MTNR1A: variants seen among roughly 807,000 people sequenced by gnomAD.
The protein encoded by MTNR1A is melatonin receptor 1A.
A neutral mutation model predicts 5.5 loss-of-function variants in MTNR1A; 7 were observed. That is an observed-to-expected ratio of 1.28 (90% CI 0.73 to 2.40). The LOEUF is 2.40. Among genes scored for constraint, MTNR1A ranks in the 30% most tolerant of loss-of-function variants. The probability of loss-of-function intolerance (pLI) is 0.00; values close to 1 mark genes in which losing one functional copy is unlikely to be tolerated. For missense variants in MTNR1A, 441 were observed against 464.4 expected (o/e 0.95, Z 0.46); for synonymous variants, 196 against 202.7 (o/e 0.97, Z 0.28).
chr4:186,544,404 T>A (rs13140012), intron 1 of MTNR1A, among the ~76,000 whole-genome samples: 62,805 of 152,048 alleles, frequency 0.41, 13,207 homozygotes, highest in East Asian at 0.62. Context: ...ATCTACAGGA[T>A]CTTCCTATCC....
intron 1 of MTNR1A, among the ~76,000 whole-genome samples, chr4:186,549,544 T>TA (rs1335813623): frequency 6.6e-6 from 1 of 152,198 alleles, no homozygotes; most frequent in Non-Finnish European, 1.5e-5. Flanking sequence ...ATAACAACTT[T>TA]AAAAAATTCT....
At chr4:186,544,509 T>C (rs1737096727) in intron 1 of MTNR1A, among the ~76,000 whole-genome samples, 1 of 152,238 alleles carries the variant, frequency 6.6e-6, no homozygotes, top group South Asian at 2.1e-4. Flanking sequence ...AATGAATACT[T>C]CTGCATCACT....
At chr4:186,539,495 C>T (rs560968117) in intron 1 of MTNR1A, among the ~76,000 whole-genome samples, 16 of 152,124 alleles carry the variant, frequency 1.1e-4, no homozygotes, top group African/African-American at 3.4e-4. Flanking sequence ...GACACTTAAT[C>T]GCCAATGTGA....
Position 186,534,402 on chromosome 4 carries a change from A to T in MTNR1A, c.340T>A (p.Ser114Thr). 6.2e-7 allele frequency: 1 copy of T among 1,614,066 alleles called. No individual in the cohort carries two copies. Among genetic ancestry groups the T allele is most frequent in the Non-Finnish European group, 8.5e-7 (1 of 1,180,006 alleles). The change falls in exon 2 of 2, where the codon TCC (serine) becomes ACC (threonine). Residue 114 changes from serine to threonine, a missense_variant. By Grantham distance (58) the Ser-to-Thr change is moderately conservative (BLOSUM62 1). Transcript: ENST00000307161. ...GCGATGCCGGTGATGTTGAATATGG[A>T]GCCGATGACGCTCAGGCCCATCAGG... ...GFLMGLSVIG[S>T]IFNITGIAIN...
Position 186,555,390 on chromosome 4 carries a change from G to C in MTNR1A, c.-25C>G. ...TGGTCCCTGTGCGCGTCCCGGCCGCGGGGCCATCGCCCGCCTCGTCCGCCC... is the reference window on the plus strand; with the variant it reads ...TGGTCCCTGTGCGCGTCCCGGCCGCCGGGCCATCGCCCGCCTCGTCCGCCC... On this transcript the variant is annotated 5_prime_UTR_variant, in exon 1 of 2. Transcript: ENST00000307161. This position sits in a 1 kb window ranked among gnomAD's most constrained non-coding sequence, Gnocchi z 4.1. 2.2e-6 allele frequency: 3 copies of C among 1,394,446 alleles called. No homozygotes were observed. Among genetic ancestry groups the C allele is most frequent in the Non-Finnish European group, 2.8e-6 (3 of 1,071,640 alleles). The allele number at this position is 1,394,446 out of a possible 1,614,324, so 86.4% of individuals were successfully genotyped here.
chr4:186,548,826 TATATATATATATATATATATAC>T lies in MTNR1A; in HGVS notation c.184+6334_184+6355del, dbSNP rs1403077419. On this transcript the variant is annotated intron_variant, in intron 1 of 1. Coordinates refer to ENST00000307161, the MANE Select transcript of MTNR1A (RefSeq NM_005958.4). ...ATCTATAAAGATATATATATATATA[TATATATATATATATATATATAC>T]ACTATATATGTAAAACAATCTTTTA... is the stretch of plus-strand genomic sequence containing the variant. Among the ~76,000 whole-genome samples the T allele has an allele frequency of 6.9e-4, 64 of 92,756 alleles. 1 individual carries two copies. The highest frequency in any genetic ancestry group is 1.9e-3 in the African/African-American group (43 of 23,240). The allele number at this position is 92,756 out of a possible 152,430, so 60.9% of individuals were successfully genotyped here.
In MTNR1A at chr4:186,534,544, C is replaced by A. The variant is rs372028735; in HGVS notation, c.198G>T (p.Val66=). The change falls in exon 2 of 2, where the codon GTG becomes GTT. Residue 66 remains valine (V), a synonymous_variant. Transcript: ENST00000307161. ...KKLRNAGNIF[V]VSLAVADLVV... ...CCAGGTCTGCCACCGCTAAGCTCACCACAAAGATGTTTCCTGAAAGAGAAT... is the reference window on the plus strand; with the variant it reads ...CCAGGTCTGCCACCGCTAAGCTCACAACAAAGATGTTTCCTGAAAGAGAAT... 9 of 1,612,204 alleles carry A rather than the reference C, an allele frequency of 5.6e-6. No homozygotes were observed. Among genetic ancestry groups the A allele is most frequent in the Non-Finnish European group, 7.6e-6 (9 of 1,180,008 alleles).
At chr4:186,541,457 C>A (rs779858903) in intron 1 of MTNR1A, among the ~76,000 whole-genome samples, 1 of 150,480 alleles carries the variant, frequency 6.6e-6, no homozygotes, top group Non-Finnish European at 1.5e-5. Context: ...TAATGGTCAG[C>A]TCGATCAGGT....
chr4:186,554,738 GAAC>G (rs1475249368), intron 1 of MTNR1A, among the ~76,000 whole-genome samples: 3 of 152,152 alleles, frequency 2.0e-5, no homozygotes, highest in Non-Finnish European at 4.4e-5. Context: ...GACTACTCCC[GAAC>G]AACAAGACCA....
In MTNR1A at chr4:186,534,496, C is replaced by G. The variant is rs541660089; in HGVS notation, c.246G>C (p.Pro82=). 49 of 1,613,922 alleles carry G rather than the reference C, an allele frequency of 3.0e-5. No individual in the cohort carries two copies. The highest frequency in any genetic ancestry group is 2.5e-6 in the Non-Finnish European group (3 of 1,180,030). Residue 82 remains proline, a synonymous_variant, in exon 2 of 2, where the codon CCG becomes CCC. Transcript: ENST00000307161. ...TGTTAAATATCGACATCAGCACCAA[C>G]GGGTACGGATAAATGGCCACCACCA... ...ADLVVAIYPY[P]LVLMSIFNNG... is the part of the protein sequence containing the mutation.
intron 1 of MTNR1A, among the ~76,000 whole-genome samples, chr4:186,539,359 G>A (rs1736954708): frequency 6.6e-6 from 1 of 152,028 alleles, no homozygotes. Flanking sequence ...CCCATTTCCT[G>A]AGTGACTCAA....
At chr4:186,554,763 C>T (rs1456708389) in intron 1 of MTNR1A, among the ~76,000 whole-genome samples, 2 of 152,200 alleles carry the variant, frequency 1.3e-5, no homozygotes, top group Admixed American at 1.3e-4. Flanking sequence ...GGCGGCTGCT[C>T]CATCATTTTG....
chr4:186,554,423 T>A (rs185520901), intron 1 of MTNR1A, among the ~76,000 whole-genome samples: 25 of 152,256 alleles, frequency 1.6e-4, no homozygotes, highest in Admixed American at 1.2e-3. Flanking sequence ...GAACCAAGCA[T>A]CTAATCATCA....
rs1457885846 is a variant in MTNR1A, at chr4:186,534,118, C to T, written c.624G>A (p.Leu208=). 6.2e-7 allele frequency: 1 copy of T among 1,614,010 alleles called. No homozygotes were observed. The highest frequency in any genetic ancestry group is 8.5e-7 in the Non-Finnish European group (1 of 1,180,026). ...VPMIIVIFCY[L]RIWILVLQVR... is the part of the protein sequence containing the mutation. ...CCTGGAGAACCAGGATCCATATTCTCAGGTAACAGAAGATGACTATGATCA... is the reference window on the plus strand; with the variant it reads ...CCTGGAGAACCAGGATCCATATTCTTAGGTAACAGAAGATGACTATGATCA... The change falls in exon 2 of 2, where the codon CTG becomes CTA. Residue 208 remains leucine (L), a synonymous_variant. Transcript: ENST00000307161.
At position 186,555,509 on chromosome 4, in the gene MTNR1A, G is replaced by T; in HGVS notation, c.-144C>A. The stretch of plus-strand genomic sequence containing the variant: ...CGCCGCGCCCCCGGACGCCCACGCC[G>T]CGCCGGACGCCACGGCCAGGTGACA... On this transcript the variant is annotated 5_prime_UTR_variant, in exon 1 of 2. Coordinates refer to ENST00000307161, the MANE Select transcript of MTNR1A (RefSeq NM_005958.4). The surrounding 1 kb of genome is among the most constrained non-coding windows in gnomAD (Gnocchi z 4.1). 1 of 549,472 alleles carries T rather than the reference G, an allele frequency of 1.8e-6. No homozygotes were observed. The highest frequency in any genetic ancestry group is 2.6e-6 in the Non-Finnish European group (1 of 388,672). 34.0% of individuals were successfully genotyped at this position (549,472 alleles called of 1,614,324 possible).
chr4:186,534,114 T>G lies in MTNR1A; in HGVS notation c.628A>C (p.Ile210Leu). 1.2e-6 allele frequency: 2 copies of G among 1,614,168 alleles called. No individual in the cohort carries two copies. Among genetic ancestry groups the G allele is most frequent in the East Asian group, 2.2e-5 (1 of 44,886 alleles). Reference sequence around the variant, plus strand: ...CTGACCTGGAGAACCAGGATCCATATTCTCAGGTAACAGAAGATGACTATG... The same window carrying G: ...CTGACCTGGAGAACCAGGATCCATAGTCTCAGGTAACAGAAGATGACTATG... ...MIIVIFCYLRIWILVLQVRQR... is the reference protein window; with the variant it reads ...MIIVIFCYLRLWILVLQVRQR... Residue 210 changes from isoleucine to leucine, a missense_variant, in exon 2 of 2, where the codon ATA becomes CTA. Coordinates refer to ENST00000307161, the MANE Select transcript of MTNR1A (RefSeq NM_005958.4).
chr4:186,538,062 G>T (rs554606680), intron 1 of MTNR1A, among the ~76,000 whole-genome samples: 2 of 152,230 alleles, frequency 1.3e-5, no homozygotes, highest in Non-Finnish European at 2.9e-5. Context: ...TCAGCTTGCT[G>T]GGAGTACCTT....
intron 1 of MTNR1A, among the ~76,000 whole-genome samples, chr4:186,552,215 G>C (rs575001866): frequency 1.6e-4 from 24 of 152,224 alleles, no homozygotes; most frequent in African/African-American, 5.5e-4. Flanking sequence ...AACCCATACT[G>C]CTTGCTATTA....
Position 186,533,949 on chromosome 4 carries a change from G to C in MTNR1A, c.793C>G (p.Pro265Ala), listed in dbSNP as rs770870771. 23 of 1,614,040 alleles carry C rather than the reference G, an allele frequency of 1.4e-5. No individual in the cohort carries two copies. The highest frequency in any genetic ancestry group is 1.8e-5 in the Non-Finnish European group (21 of 1,180,028). The change falls in exon 2 of 2, where the codon CCC (proline) becomes GCC (alanine). Residue 265 changes from proline (P) to alanine (A), a missense_variant. Coordinates refer to ENST00000307161, the MANE Select transcript of MTNR1A (RefSeq NM_005958.4). ...NFIGLAVASD[P>A]ASMVPRIPEW... The stretch of plus-strand genomic sequence containing the variant: ...GGGATCCTAGGCACCATGCTGGCGG[G>C]GTCAGAGGCCACGGCCAGGCCAATG...
Sources: gnomAD v4.1 joint callset for allele counts (sites outside exome capture counted in the v4.1 genomes callset) on GRCh38, gnomAD v4.1.1 for gene constraint, Gnocchi (gnomAD v3.1) non-coding constraint, MANE v1.5 for transcripts, NCBI Gene and HGNC (gene_info 2026-07-23, HGNC 2026-07-21) for gene names.